Variants in LSAMP observed in about 807,000 individuals in gnomAD.
LSAMP encodes the protein limbic system-associated membrane protein.
Under a neutral mutation model 38.6 loss-of-function variants are expected in LSAMP, and 7 were observed. The ratio of observed to expected loss-of-function variants is 0.18; its 90% CI spans 0.10 to 0.34. LSAMP has a LOEUF of 0.34. Ranked by LOEUF, LSAMP falls within the 10% of genes least tolerant of loss-of-function variation. The probability of loss-of-function intolerance (pLI) is 1.00; values close to 1 mark genes in which losing one functional copy is unlikely to be tolerated. For synonymous variants in LSAMP, 154 were observed against 166.8 expected, an observed-to-expected ratio of 0.92 and a Z score of 0.59; for missense variants, 313 against 420.0, an observed-to-expected ratio of 0.75 and a Z score of 2.23.
intron 2 of LSAMP, among the ~76,000 whole-genome samples, chr3:116,055,275 C>T (rs1941470614): frequency 6.6e-6 from 1 of 152,126 alleles, no homozygotes; most frequent in African/African-American, 2.4e-5. Context: ...ATTTGTCATG[C>T]ACAGTGGTAC....
intron 1 of LSAMP, among the ~76,000 whole-genome samples, chr3:116,278,869 T>C (rs1371256506): frequency 6.6e-6 from 1 of 152,230 alleles, no homozygotes; most frequent in African/African-American, 2.4e-5. Flanking sequence ...TTTACTCATC[T>C]GTCTCAAAGA....
chr3:116,266,670 A>G (rs1384418230), intron 1 of LSAMP, among the ~76,000 whole-genome samples: 1 of 152,196 alleles, frequency 6.6e-6, no homozygotes, highest in Non-Finnish European at 1.5e-5. Flanking sequence ...GTCACCAAAG[A>G]CAGCCTGAAA....
chr3:115,851,696 C>G (rs1935335117), intron 4 of LSAMP, among the ~76,000 whole-genome samples: 1 of 152,146 alleles, frequency 6.6e-6, no homozygotes, highest in African/African-American at 2.4e-5. Context: ...GTCAAAGCTT[C>G]CCTTTGTCCC....
intron 2 of LSAMP, among the ~76,000 whole-genome samples, chr3:116,051,535 C>T (rs1187880549): frequency 6.6e-6 from 1 of 152,140 alleles, no homozygotes; most frequent in Non-Finnish European, 1.5e-5. Context: ...CCTTCCAGCT[C>T]CAACAACCCT....
chr3:115,994,326 G>A (rs934075808), intron 3 of LSAMP, among the ~76,000 whole-genome samples: 14 of 152,024 alleles, frequency 9.2e-5, no homozygotes, highest in African/African-American at 3.4e-4. Flanking sequence ...GAAAAGAATA[G>A]TCAGTCTCAC....
chr3:116,061,592 G>GC lies in LSAMP; in HGVS notation c.388+24731dup, dbSNP rs567487253. On this transcript the variant is annotated intron_variant, in intron 2 of 6. Transcript: ENST00000490035. The stretch of plus-strand genomic sequence containing the variant: ...ACCATTGAAGATTGCAGCAGCCCCT[G>GC]CCCCTAAGTTCCAACACCTCCAGTA... Among the ~76,000 whole-genome samples, 219 of 152,266 alleles carry GC rather than the reference G, an allele frequency of 1.4e-3. 1 individual carries two copies. Among genetic ancestry groups the GC allele is most frequent in the African/African-American group, 4.9e-3 (203 of 41,556 alleles).
chr3:115,951,029 A>ACATCCT (rs1938271043), intron 3 of LSAMP, among the ~76,000 whole-genome samples: 1 of 152,148 alleles, frequency 6.6e-6, no homozygotes, highest in Non-Finnish European at 1.5e-5. Flanking sequence ...GTAGGAAAGG[A>ACATCCT]GATCCTGTTC....
chr3:116,207,794 C>T lies in LSAMP; in HGVS notation c.156-121238G>A, dbSNP rs373779251. The stretch of plus-strand genomic sequence containing the variant: ...GATCAGCTGTTAGTCTGATGGGCTT[C>T]CCTTTGAGGGTAACCCGACCTTTCT... On this transcript the variant is annotated intron_variant, in intron 1 of 6. Transcript: ENST00000490035. 3.9e-5 allele frequency among the ~76,000 whole-genome samples: 6 copies of T among 152,258 alleles called. No homozygotes were observed. In the East Asian group the frequency reaches 9.7e-4, roughly 25 times the overall value.
At chr3:116,167,638 C>T (rs1402267872) in intron 1 of LSAMP, among the ~76,000 whole-genome samples, 1 of 152,040 alleles carries the variant, frequency 6.6e-6, no homozygotes, top group East Asian at 1.9e-4. Flanking sequence ...TGTCATGGAC[C>T]AATTACTATA....
intron 3 of LSAMP, among the ~76,000 whole-genome samples, chr3:115,978,701 A>T (rs1397350457): frequency 6.6e-6 from 1 of 152,128 alleles, no homozygotes; most frequent in Non-Finnish European, 1.5e-5. Context: ...ATGAAAAAAA[A>T]AAAGTTAAGG....
intron 1 of LSAMP, among the ~76,000 whole-genome samples, chr3:116,086,954 T>A (rs148286026): frequency 1.8e-4 from 27 of 152,332 alleles, no homozygotes; most frequent in Admixed American, 9.8e-4. Flanking sequence ...TTTACTCTTT[T>A]ATAAGTATTT....
intron 3 of LSAMP, among the ~76,000 whole-genome samples, chr3:115,993,958 TG>T (rs2107647112): frequency 6.6e-6 from 1 of 152,244 alleles, no homozygotes; most frequent in East Asian, 1.9e-4. Context: ...GTTTGAACTT[TG>T]TTTGGAAGAC....
intron 6 of LSAMP, chr3:115,834,524 C>T (rs1320972622): frequency 7.9e-7 from 1 of 1,269,018 alleles, no homozygotes. Flanking sequence ...TGGAGAATGA[C>T]CCAGGAAGAG....
At chr3:116,118,649 A>G (rs1708806900) in intron 1 of LSAMP, among the ~76,000 whole-genome samples, 1 of 152,166 alleles carries the variant, frequency 6.6e-6, no homozygotes, top group South Asian at 2.1e-4. Context: ...TTACAGAGTT[A>G]GCTCCGTGAG....
intron 3 of LSAMP, among the ~76,000 whole-genome samples, chr3:115,978,968 G>A (rs552620342): frequency 6.6e-6 from 1 of 151,978 alleles, no homozygotes; most frequent in African/African-American, 2.4e-5. Context: ...AAAGGAATAA[G>A]AAATTTATTT....
intron 1 of LSAMP, among the ~76,000 whole-genome samples, chr3:116,312,850 G>A (rs575667420): frequency 9.2e-5 from 14 of 152,282 alleles, no homozygotes; most frequent in African/African-American, 3.4e-4. Flanking sequence ...GTGTGTATGT[G>A]TGTTTCTGTG....
At chr3:116,438,855 G>A (rs756351176) in intron 1 of LSAMP, among the ~76,000 whole-genome samples, 4 of 152,144 alleles carry the variant, frequency 2.6e-5, no homozygotes, top group Non-Finnish European at 5.9e-5. Context: ...GGATGAAATT[G>A]TGTAACAAAC....
At chr3:116,355,406 C>T (rs1405875331) in intron 1 of LSAMP, among the ~76,000 whole-genome samples, 1 of 152,144 alleles carries the variant, frequency 6.6e-6, no homozygotes, top group Non-Finnish European at 1.5e-5. Flanking sequence ...TGAGACTTGA[C>T]ACCTGTCTCT....
chr3:116,445,003 T>C lies in LSAMP; in HGVS notation c.29A>G (p.Lys10Arg). 1.9e-6 allele frequency: 3 copies of C among 1,614,014 alleles called. No individual in the cohort carries two copies. The highest frequency in any genetic ancestry group is 2.5e-6 in the Non-Finnish European group (3 of 1,179,952). MVRRVQPDR[K>R]QLPLVLLRLL... ...TCTCAGTAGGACCAGTGGCAACTGT[T>C]TCCGATCCGGCTGAACTCTCCTGAC... Residue 10 changes from lysine to arginine, a missense_variant, in exon 1 of 7, where the codon AAA becomes AGA. Coordinates refer to ENST00000490035, the MANE Select transcript of LSAMP (RefSeq NM_002338.5).
Sources: allele counts gnomAD v4.1 joint callset (sites outside exome capture counted in the v4.1 genomes callset), GRCh38; gene constraint gnomAD v4.1.1; transcripts MANE v1.5; gene names NCBI Gene and HGNC (gene_info 2026-07-23, HGNC 2026-07-21).